Variants in TPD52L2 observed in about 807,000 individuals in gnomAD.
The protein encoded by TPD52L2 is tumor protein D54.
Under a neutral mutation model 24.7 loss-of-function variants are expected in TPD52L2, and 19 were observed. That is an observed-to-expected ratio of 0.77 (90% CI 0.54 to 1.13). The LOEUF (loss-of-function observed/expected upper bound fraction) is 1.13, where lower values mean the gene tolerates loss of function less well. TPD52L2 is among the 50% of genes most tolerant of loss of function. The pLI, the probability that TPD52L2 is intolerant of heterozygous loss-of-function variation, is 0.00. For missense variants in TPD52L2, 236 were observed against 250.4 expected, an observed-to-expected ratio of 0.94 and a Z score of 0.39; for synonymous variants, 104 against 100.2, an observed-to-expected ratio of 1.04 and a Z score of -0.23.
chr20:63,885,366 C>T (rs573579620), intron 5 of TPD52L2, among the ~76,000 whole-genome samples: 11 of 152,320 alleles, frequency 7.2e-5, no homozygotes, highest in South Asian at 4.1e-4. Context: ...GGACCTCGGG[C>T]GAGTTGAGTG....
In TPD52L2 at chr20:63,889,238, GGTAATT is replaced by G. The variant is rs1212723796; in HGVS notation, c.525+4_525+9del. ...TTGAGGACCGAGTTGGGACCATAAAGGTAATTGTACCTGGACTGTTTGATGGTCTTG... is the reference window on the plus strand; with the variant it reads ...TTGAGGACCGAGTTGGGACCATAAAGGTACCTGGACTGTTTGATGGTCTTG... On this transcript the variant is annotated splice_donor_variant and splice_donor_5th_base_variant and intron_variant, in intron 6 of 6. Transcript: ENST00000346249. LOFTEE classifies it high-confidence loss of function. 1 of 1,612,328 alleles carries G rather than the reference GGTAATT, an allele frequency of 6.2e-7. No homozygotes were observed. The highest frequency in any genetic ancestry group is 8.5e-7 in the Non-Finnish European group (1 of 1,179,102).
At chr20:63,876,366 A>G (rs1380837226) in intron 4 of TPD52L2, among the ~76,000 whole-genome samples, 1 of 152,134 alleles carries the variant, frequency 6.6e-6, no homozygotes, top group African/African-American at 2.4e-5. Flanking sequence ...GCTGGTGGAA[A>G]TTTGAAATCC....
chr20:63,875,263 C>G (rs1168003424), intron 3 of TPD52L2, among the ~76,000 whole-genome samples: 2 of 151,994 alleles, frequency 1.3e-5, no homozygotes, highest in East Asian at 3.9e-4. Context: ...TCCTATAACC[C>G]TGGGACACCT....
chr20:63,867,958 A>G (rs940006005), intron 1 of TPD52L2, among the ~76,000 whole-genome samples: 1 of 151,082 alleles, frequency 6.6e-6, no homozygotes, highest in Non-Finnish European at 1.5e-5. Flanking sequence ...TTTTTTTTTA[A>G]AGAATTTTTT....
At chr20:63,866,428 G>C (rs2052237910) in intron 1 of TPD52L2, among the ~76,000 whole-genome samples, 2 of 150,270 alleles carry the variant, frequency 1.3e-5, no homozygotes, top group Non-Finnish European at 3.0e-5. Context: ...TAATTCCTAG[G>C]TGCTGCATTA....
In TPD52L2 at chr20:63,886,148, G is replaced by A. The variant is rs2053087048; in HGVS notation, c.477-3042G>A. The A allele has an allele frequency of 2.6e-6, 3 of 1,139,382 alleles. No individual in the cohort carries two copies. The South Asian group carries it at 3.7e-5, about 14-fold the overall frequency. 70.6% of individuals were successfully genotyped at this position (1,139,382 alleles called of 1,614,324 possible). On this transcript the variant is annotated intron_variant, in intron 5 of 6. Transcript: ENST00000346249. Reference sequence around the variant, plus strand: ...GCTGTGCTAGTAGAGGGCAGTGAAAGTGGGATCACCCCTTCCAGGACAGCA... The same window carrying A: ...GCTGTGCTAGTAGAGGGCAGTGAAAATGGGATCACCCCTTCCAGGACAGCA...
chr20:63,881,152 A>G (rs1447499391), intron 4 of TPD52L2, among the ~76,000 whole-genome samples: 1 of 152,108 alleles, frequency 6.6e-6, no homozygotes, highest in Non-Finnish European at 1.5e-5. Flanking sequence ...ACCTGAGGTC[A>G]GGAGTTCAAG....
intron 5 of TPD52L2, among the ~76,000 whole-genome samples, chr20:63,884,545 G>A (rs2053025312): frequency 6.6e-6 from 1 of 152,210 alleles, no homozygotes; most frequent in African/African-American, 2.4e-5. Context: ...GCATTTGTTT[G>A]TATGGCCTGT....
Position 63,865,351 on chromosome 20 carries a change from G to A in TPD52L2, c.-15G>A. On this transcript the variant is annotated 5_prime_UTR_variant, in exon 1 of 7. Coordinates refer to ENST00000346249, the MANE Select transcript of TPD52L2 (RefSeq NM_003288.4). Reference sequence around the variant, plus strand: ...CCCATAGCGCCCGCGACAGCGGTCCGGACGCCGCCCGAACATGGACTCCGC... The same window carrying A: ...CCCATAGCGCCCGCGACAGCGGTCCAGACGCCGCCCGAACATGGACTCCGC... 6.6e-7 allele frequency: 1 copy of A among 1,525,860 alleles called. No individual in the cohort carries two copies. The highest frequency in any genetic ancestry group is 8.8e-7 in the Non-Finnish European group (1 of 1,142,282). The allele number at this position is 1,525,860 out of a possible 1,614,324, so 94.5% of individuals were successfully genotyped here.
intron 5 of TPD52L2, among the ~76,000 whole-genome samples, chr20:63,884,808 G>A (rs575386107): frequency 9.9e-5 from 15 of 152,236 alleles, no homozygotes; most frequent in African/African-American, 3.1e-4. Context: ...GGGGGAGCGG[G>A]GCCTCAGGCT....
chr20:63,878,332 C>G (rs928907370), intron 4 of TPD52L2, among the ~76,000 whole-genome samples: 1 of 152,216 alleles, frequency 6.6e-6, no homozygotes, highest in Non-Finnish European at 1.5e-5. Flanking sequence ...CTGTGTTCTG[C>G]GAGTGGTGAA....
At chr20:63,873,887 G>A (rs1297235430) in intron 3 of TPD52L2, 71 bp downstream of exon 3, 3 of 1,406,248 alleles carry the variant, frequency 2.1e-6, no homozygotes, top group East Asian at 2.8e-5. Context: ...CGGCATGTGG[G>A]GGGGCGTCGT....
At chr20:63,870,308 G>A (rs73916665) in intron 2 of TPD52L2, among the ~76,000 whole-genome samples, 3,342 of 152,172 alleles carry the variant, frequency 0.022, 131 homozygotes, top group African/African-American at 0.077. Flanking sequence ...TCTGGGTCCA[G>A]GCCTAGGTCT....
At chr20:63,867,740 T>G (rs1181794100) in intron 1 of TPD52L2, among the ~76,000 whole-genome samples, 1 of 151,846 alleles carries the variant, frequency 6.6e-6, no homozygotes, top group Non-Finnish European at 1.5e-5. Context: ...TCTGGTGTCT[T>G]TGTGTTGTCT....
chr20:63,865,281 C>G lies in TPD52L2; in HGVS notation c.-85C>G, dbSNP rs1474553712. On this transcript the variant is annotated 5_prime_UTR_variant, in exon 1 of 7. Transcript: ENST00000346249. ...CGCGGAGCTGAGGCAGTTCCGCTGG[C>G]TAGTGTGTACGCGGCGAGCTTCTCC... The G allele has an allele frequency of 4.9e-6, 7 of 1,434,110 alleles. No homozygotes were observed. The highest frequency in any genetic ancestry group is 6.4e-6 in the Non-Finnish European group (7 of 1,085,980). 88.8% of individuals were successfully genotyped at this position (1,434,110 alleles called of 1,614,324 possible).
At chr20:63,886,709 A>G (rs1280915366) in intron 5 of TPD52L2, among the ~76,000 whole-genome samples, 4 of 146,040 alleles carry the variant, frequency 2.7e-5, no homozygotes, top group Non-Finnish European at 6.0e-5. Flanking sequence ...CAGTGGTGTG[A>G]TCTCGGCTCA....
chr20:63,869,925 G>C (rs1341341213), intron 2 of TPD52L2, among the ~76,000 whole-genome samples: 1 of 152,200 alleles, frequency 6.6e-6, no homozygotes, highest in Non-Finnish European at 1.5e-5. Flanking sequence ...TTGAGCCCAG[G>C]AGTTTGAGAG....
In TPD52L2 at chr20:63,886,165, A is replaced by T. The variant is rs930039768; in HGVS notation, c.477-3025A>T. 8 of 959,266 alleles carry T rather than the reference A, an allele frequency of 8.3e-6. No individual in the cohort carries two copies. The African/African-American group carries it at 1.3e-4, about 15-fold the overall frequency. 59.4% of individuals were successfully genotyped at this position (959,266 alleles called of 1,614,324 possible). A position where few individuals can be genotyped will look rare whatever the true frequency, so the allele number is the denominator to read the frequency against. On this transcript the variant is annotated intron_variant, in intron 5 of 6. Coordinates refer to ENST00000346249, the MANE Select transcript of TPD52L2 (RefSeq NM_003288.4). ...CAGTGAAAGTGGGATCACCCCTTCC[A>T]GGACAGCAGTGCCAGCCAGGTGGTT...
chr20:63,886,437 T>C (rs1026021760), intron 5 of TPD52L2, among the ~76,000 whole-genome samples: 1 of 151,516 alleles, frequency 6.6e-6, no homozygotes, highest in Non-Finnish European at 1.5e-5. Flanking sequence ...CTCGGCTCAC[T>C]GCAAGCTCCG....
Sources: gnomAD v4.1 joint callset for allele counts (sites outside exome capture counted in the v4.1 genomes callset) on GRCh38, gnomAD v4.1.1 for gene constraint, MANE v1.5 for transcripts, NCBI Gene and HGNC (gene_info 2026-07-23, HGNC 2026-07-21) for gene names.